The following LRRTM4 variants were observed in gnomAD, a reference collection of about 807,000 sequenced individuals.
LRRTM4 encodes leucine rich repeat transmembrane neuronal 4, also known as leucine-rich repeat transmembrane neuronal protein 4.
Under a neutral mutation model 47.6 loss-of-function variants are expected in LRRTM4, and 25 were observed. The observed-to-expected ratio is 0.53, with a 90% CI of 0.38 to 0.73. LRRTM4 has a LOEUF of 0.73. LRRTM4 is among the 30% of genes least tolerant of loss of function. The pLI is 0.00. For missense variants in LRRTM4, 638 were observed against 713.4 expected, an observed-to-expected ratio of 0.89 and a Z score of 1.20; for synonymous variants, 311 against 269.5, an observed-to-expected ratio of 1.15 and a Z score of -1.51.
chr2:77,326,479 G>A (rs575096869), intron 3 of LRRTM4, among the ~76,000 whole-genome samples: 8 of 152,140 alleles, frequency 5.3e-5, no homozygotes, highest in African/African-American at 9.6e-5. Context: ...CTGTGGCCTC[G>A]AACTTCTGGG....
At chr2:77,217,536 A>T (rs1045519516) in intron 3 of LRRTM4, among the ~76,000 whole-genome samples, 2 of 146,786 alleles carry the variant, frequency 1.4e-5, no homozygotes, top group Non-Finnish European at 3.0e-5. Flanking sequence ...CTGGGTTCAG[A>T]TTACTCCTCA....
chr2:76,795,963 A>G (rs1675287781), intron 3 of LRRTM4, among the ~76,000 whole-genome samples: 3 of 150,390 alleles, frequency 2.0e-5, no homozygotes, highest in Non-Finnish European at 4.4e-5. Context: ...TGCGCGCACC[A>G]TGTGCGAGCC....
At chr2:76,993,461 C>T (rs972334625) in intron 3 of LRRTM4, among the ~76,000 whole-genome samples, 1 of 151,930 alleles carries the variant, frequency 6.6e-6, no homozygotes, top group Non-Finnish European at 1.5e-5. Context: ...TGAACAGACA[C>T]TTCTCAAAAG....
chr2:76,947,437 A>G (rs1453720729), intron 3 of LRRTM4, among the ~76,000 whole-genome samples: 2 of 151,890 alleles, frequency 1.3e-5, no homozygotes, highest in Non-Finnish European at 2.9e-5. Context: ...ATTATACACT[A>G]AATACAATAA....
At chr2:77,345,866 A>G (rs1671542163) in intron 3 of LRRTM4, among the ~76,000 whole-genome samples, 1 of 151,922 alleles carries the variant, frequency 6.6e-6, no homozygotes, top group African/African-American at 2.4e-5. Context: ...AGACACACAC[A>G]TATTCAAAGA....
chr2:77,344,221 T>C (rs1203194654), intron 3 of LRRTM4, among the ~76,000 whole-genome samples: 1 of 151,842 alleles, frequency 6.6e-6, no homozygotes, highest in Non-Finnish European at 1.5e-5. Flanking sequence ...TATTTCATAA[T>C]AAAACACACA....
At chr2:77,428,327 A>G (rs1044733639) in intron 3 of LRRTM4, among the ~76,000 whole-genome samples, 14 of 152,244 alleles carry the variant, frequency 9.2e-5, no homozygotes, top group Non-Finnish European at 1.9e-4. Flanking sequence ...CCACATCAAC[A>G]GTAGAGACAG....
At chr2:76,795,906 G>C (rs546063984) in intron 3 of LRRTM4, among the ~76,000 whole-genome samples, 14 of 151,814 alleles carry the variant, frequency 9.2e-5, no homozygotes, top group Admixed American at 2.6e-4. Context: ...CTGAGGTACC[G>C]GGTTCATCTC....
At chr2:77,288,573 A>G (rs1215503043) in intron 3 of LRRTM4, among the ~76,000 whole-genome samples, 1 of 152,070 alleles carries the variant, frequency 6.6e-6, no homozygotes, top group Non-Finnish European at 1.5e-5. Flanking sequence ...TAATGTGTCC[A>G]ACATATAAAC....
chr2:77,172,799 C>A (rs933500349), intron 3 of LRRTM4, among the ~76,000 whole-genome samples: 4 of 152,090 alleles, frequency 2.6e-5, no homozygotes, highest in African/African-American at 9.7e-5. Context: ...TAGTCATAAT[C>A]CCCCTGTGAT....
intron 3 of LRRTM4, among the ~76,000 whole-genome samples, chr2:77,468,305 G>A (rs1051111131): frequency 8.6e-5 from 13 of 151,842 alleles, no homozygotes; most frequent in Non-Finnish European, 1.8e-4. Context: ...TTCAATATAA[G>A]CACAGTACTA....
At chr2:76,828,552 G>A (rs752945840) in intron 3 of LRRTM4, among the ~76,000 whole-genome samples, 1 of 151,912 alleles carries the variant, frequency 6.6e-6, no homozygotes, top group Non-Finnish European at 1.5e-5. Context: ...AGAGAAATGT[G>A]TATAGGTTCA....
intron 3 of LRRTM4, among the ~76,000 whole-genome samples, chr2:76,875,923 G>C (rs1672764682): frequency 1.3e-5 from 2 of 152,236 alleles, no homozygotes; most frequent in South Asian, 4.1e-4. Context: ...CCATAGAGAA[G>C]CACCAATATG....
intron 3 of LRRTM4, among the ~76,000 whole-genome samples, chr2:77,230,714 A>C (rs1302035385): frequency 1.3e-5 from 2 of 152,212 alleles, no homozygotes; most frequent in Non-Finnish European, 2.9e-5. Flanking sequence ...TGCCTAGAAC[A>C]GAGTAAGTCC....
intron 3 of LRRTM4, among the ~76,000 whole-genome samples, chr2:76,837,692 T>G (rs1321395489): frequency 6.6e-6 from 1 of 152,066 alleles, no homozygotes; most frequent in East Asian, 1.9e-4. Flanking sequence ...AACCCAAATG[T>G]CCAACAATGA....
intron 3 of LRRTM4, among the ~76,000 whole-genome samples, chr2:76,763,254 G>GT (rs1673328175): frequency 6.6e-6 from 1 of 152,122 alleles, no homozygotes; most frequent in Admixed American, 6.6e-5. Context: ...GAATATTTGT[G>GT]TTTCTCCAAA....
At chr2:77,355,360 G>T (rs150475088) in intron 3 of LRRTM4, among the ~76,000 whole-genome samples, 1 of 152,176 alleles carries the variant, frequency 6.6e-6, no homozygotes, top group African/African-American at 2.4e-5. Flanking sequence ...CCAGTAGTTT[G>T]CTTTCTGTAT....
intron 3 of LRRTM4, among the ~76,000 whole-genome samples, chr2:77,002,906 TTATTC>T (rs1227410506): frequency 2.0e-5 from 3 of 152,176 alleles, no homozygotes; most frequent in Non-Finnish European, 4.4e-5. Flanking sequence ...ATATTTTAAT[TTATTC>T]TATTCATTTT....
intron 3 of LRRTM4, among the ~76,000 whole-genome samples, chr2:76,842,941 G>A (rs115625154): frequency 0.014 from 2,192 of 152,210 alleles, 47 homozygotes; most frequent in African/African-American, 0.046. Flanking sequence ...ATATATAGTT[G>A]GAGTCAGCTG....
Sources: allele counts gnomAD v4.1 joint callset (sites outside exome capture counted in the v4.1 genomes callset), GRCh38; gene constraint gnomAD v4.1.1; transcripts MANE v1.5; gene names NCBI Gene and HGNC (gene_info 2026-07-23, HGNC 2026-07-21).